Variants in HERC2 observed in about 807,000 individuals in gnomAD.
HERC2 encodes E3 ubiquitin-protein ligase HERC2.
In HERC2, 102 loss-of-function variants were observed where a neutral mutation model predicts 537.7. That is an observed-to-expected ratio of 0.19 (90% confidence interval 0.16 to 0.22). The LOEUF (loss-of-function observed/expected upper bound fraction) is 0.22. Ranked by LOEUF, HERC2 falls within the 10% of genes least tolerant of loss-of-function variation. HERC2 has a pLI of 1.00. For synonymous variants in HERC2, 2,224 were observed against 2,466.2 expected (o/e 0.90, Z 2.91); for missense variants, 4,236 against 6,198.2 (o/e 0.68, Z 10.63).
At chr15:28,152,166 G>T (rs1892523183) in intron 70 of HERC2, among the ~76,000 whole-genome samples, 1 of 152,210 alleles carries the variant, frequency 6.6e-6, no homozygotes, top group Admixed American at 6.5e-5. Flanking sequence ...CGGGCCTGAG[G>T]AACACACTGA....
At chr15:28,114,241 C>A (rs1394064079) in intron 90 of HERC2, among the ~76,000 whole-genome samples, 2 of 152,182 alleles carry the variant, frequency 1.3e-5, no homozygotes, top group South Asian at 2.1e-4. Flanking sequence ...CACACCTGGG[C>A]GCCTGGCAAA....
At position 28,178,944 on chromosome 15, in the gene HERC2, G is replaced by A. The variant is rs1295742309; in HGVS notation, c.9106C>T (p.Pro3036Ser). ...CTGCTGAGAGCTGTGATCTGCCGTG[G>A]GATGGGCACCGTCCCGCTGGAAATG... is the stretch of plus-strand genomic sequence containing the variant. Reference protein sequence around the residue: ...LGISSGTVPIPRQITALSSYV... With the variant: ...LGISSGTVPISRQITALSSYV... The change falls in exon 59 of 93, where the codon CCA (proline) becomes TCA (serine). Residue 3036 changes from proline (P) to serine (S), a missense_variant. This residue lies in a region of HERC2 where 606 missense variants were observed against 884.5 expected (regional missense o/e 0.69). Coordinates refer to ENST00000261609, the MANE Select transcript of HERC2 (RefSeq NM_004667.6). 6.2e-7 allele frequency: 1 copy of A among 1,614,036 alleles called. No individual in the cohort carries two copies. Among genetic ancestry groups the A allele is most frequent in the African/African-American group, 1.3e-5 (1 of 74,924 alleles).
At position 28,246,784 on chromosome 15, in the gene HERC2, G is replaced by A. The variant is rs555514888; in HGVS notation, c.3349C>T (p.His1117Tyr). ...ACAATGTAAGCCACCTCCGCGAAGT[G>A]CCGCCAGCTGGTAGAAGCAATGCTG... Reference protein sequence around the residue: ...AASIASTSWRHFAEVAYIVEG... With the variant: ...AASIASTSWRYFAEVAYIVEG... The change falls in exon 22 of 93, where the codon CAC (histidine) becomes TAC (tyrosine). Residue 1117 changes from histidine (H) to tyrosine (Y), a missense_variant. Physicochemically the swap from His to Tyr is moderately conservative, Grantham distance 83. Around this residue, in one of 27 missense-constraint regions of HERC2, gnomAD observed 754 missense variants for 1,085.0 expected, o/e 0.69. Transcript: ENST00000261609. The A allele has an allele frequency of 3.5e-5, 57 of 1,607,690 alleles. No homozygotes were observed. The South Asian group carries it at 5.9e-4, about 17-fold the overall frequency.
chr15:28,158,873 A>G (rs973359498), intron 69 of HERC2, among the ~76,000 whole-genome samples: 1 of 152,192 alleles, frequency 6.6e-6, no homozygotes, highest in Non-Finnish European at 1.5e-5. Flanking sequence ...AGTGGTTGGT[A>G]CCGGTTGTTC....
chr15:28,285,222 A>C (rs2076125412), intron 4 of HERC2, among the ~76,000 whole-genome samples: 1 of 152,218 alleles, frequency 6.6e-6, no homozygotes, highest in Non-Finnish European at 1.5e-5. Context: ...AGAACACTCC[A>C]GCCAATAACA....
rs146406865 is a variant in HERC2, at chr15:28,283,388, G to A, written c.323-3101C>T. On this transcript the variant is annotated intron_variant, in intron 4 of 92. Transcript: ENST00000261609. ...TTCTCATCAGAAACCATGGAGCCCAGCTGAAAGTACAAAATATTTTTTAAA... is the reference window on the plus strand; with the variant it reads ...TTCTCATCAGAAACCATGGAGCCCAACTGAAAGTACAAAATATTTTTTAAA... Among the ~76,000 whole-genome samples the A allele has an allele frequency of 5.3e-3, 806 of 152,306 alleles. 1 individual carries two copies. The highest frequency in any genetic ancestry group is 0.018 in the African/African-American group (763 of 41,550).
At chr15:28,300,609 G>A (rs1489558075) in intron 2 of HERC2, among the ~76,000 whole-genome samples, 94 of 149,854 alleles carry the variant, frequency 6.3e-4, no homozygotes, top group African/African-American at 1.7e-3. Flanking sequence ...ATCACTTGAG[G>A]TCAGGAGTTC....
Position 28,192,114 on chromosome 15 carries a change from C to T in HERC2, c.8298G>A (p.Gln2766=), listed in dbSNP as rs1436633324. The T allele has an allele frequency of 1.9e-6, 3 of 1,613,982 alleles. No individual in the cohort carries two copies. The highest frequency in any genetic ancestry group is 1.1e-5 in the South Asian group (1 of 91,080). ...SAVFCGRSGK[Q]LKRCHSSQPG... ...GCTGGCTGCTGTGGCAACGCTTCAGCTGTTTTCCAGAACGGCCACAAAATA... is the reference window on the plus strand; with the variant it reads ...GCTGGCTGCTGTGGCAACGCTTCAGTTGTTTTCCAGAACGGCCACAAAATA... The change falls in exon 53 of 93, where the codon CAG becomes CAA. Residue 2766 remains glutamine, a synonymous_variant. Coordinates refer to ENST00000261609, the MANE Select transcript of HERC2 (RefSeq NM_004667.6).
chr15:28,245,253 T>A (rs901872238), intron 23 of HERC2, among the ~76,000 whole-genome samples: 1 of 152,050 alleles, frequency 6.6e-6, no homozygotes, highest in Non-Finnish European at 1.5e-5. Context: ...TCCTTAAATA[T>A]AACCGAAATA....
At chr15:28,128,183 G>A (rs762071249) in intron 83 of HERC2, among the ~76,000 whole-genome samples, 1 of 152,204 alleles carries the variant, frequency 6.6e-6, no homozygotes, top group African/African-American at 2.4e-5. Flanking sequence ...GAAGTGAAAC[G>A]ATGATGCCAG....
In HERC2 at chr15:28,265,772, G is replaced by A; in HGVS notation, c.1757-41C>T. On this transcript the variant is annotated intron_variant, in intron 13 of 92. Coordinates refer to ENST00000261609, the MANE Select transcript of HERC2 (RefSeq NM_004667.6). The surrounding 1 kb of genome is among the most constrained non-coding windows in gnomAD (Gnocchi z 4.0). ...ACGGCGGTTACTAAGTCCTGTAAGA[G>A]GCCACCTCCTGCTGCATGCTCCCAC... 1.9e-6 allele frequency: 3 copies of A among 1,614,074 alleles called. No homozygotes were observed. Among genetic ancestry groups the A allele is most frequent in the South Asian group, 2.2e-5 (2 of 91,082 alleles).
Position 28,132,241 on chromosome 15 carries a change from G to T in HERC2, c.12429C>A (p.His4143Gln). The change falls in exon 81 of 93, where the codon CAC becomes CAA. Residue 4143 changes from histidine to glutamine, a missense_variant. This residue lies in a region of HERC2 where 94 missense variants were observed against 137.4 expected (regional missense o/e 0.68). Transcript: ENST00000261609. ...KPKLVEALQG[H>Q]RVVDIACGSG... ...TGCCACAGGCGATGTCAACCACACGGTGGCCCTGCAGCGCCTCCACCTTCA... is the reference window on the plus strand; with the variant it reads ...TGCCACAGGCGATGTCAACCACACGTTGGCCCTGCAGCGCCTCCACCTTCA... 1 of 1,612,372 alleles carries T rather than the reference G, an allele frequency of 6.2e-7. No individual in the cohort carries two copies. Among genetic ancestry groups the T allele is most frequent in the Non-Finnish European group, 8.5e-7 (1 of 1,178,858 alleles).
In HERC2 at chr15:28,257,224, C is replaced by T; in HGVS notation, c.2354G>A (p.Gly785Asp). ...GTCCACCACAAAAGGGACACGGAGG[C>T]CAATGGACCACTCAGAACATGATGA... ...AWSSCSEWSI[G>D]LRVPFVVDIC... is the part of the protein sequence containing the mutation. The change falls in exon 17 of 93, where the codon GGC becomes GAC. Residue 785 changes from glycine (G) to aspartate (D), a missense_variant. Gly to Asp is a moderately conservative substitution (Grantham distance 94). Around this residue, in one of 27 missense-constraint regions of HERC2, gnomAD observed 754 missense variants for 1,085.0 expected, o/e 0.69. Transcript: ENST00000261609. 6.2e-7 allele frequency: 1 copy of T among 1,613,910 alleles called. No individual in the cohort carries two copies. The highest frequency in any genetic ancestry group is 2.2e-5 in the East Asian group (1 of 44,876).
chr15:28,270,652 C>T, intron 10 of HERC2, 43 bp downstream of exon 10: 2 of 1,586,572 alleles, frequency 1.3e-6, no homozygotes, highest in Non-Finnish European at 1.7e-6. Context: ...ACAAGTGGTA[C>T]TAGCTACAAA....
chr15:28,117,226 A>G (rs1417487088), intron 86 of HERC2, 72 bp from the exon 87 acceptor site: 8 of 1,465,402 alleles, frequency 5.5e-6, no homozygotes, highest in African/African-American at 1.4e-5. Flanking sequence ...GATATGCGGC[A>G]CTGGCGAATG....
intron 1 of HERC2, 26 bp downstream of exon 1, chr15:28,322,049 G>A (rs1329689366): frequency 1.1e-5 from 1 of 90,544 alleles, no homozygotes; most frequent in Non-Finnish European, 2.0e-5. Context: ...CCCGCCACCG[G>A]CCGCCCAGGT....
At chr15:28,318,902 T>A (rs1220777525) in intron 2 of HERC2, among the ~76,000 whole-genome samples, 1 of 150,946 alleles carries the variant, frequency 6.6e-6, no homozygotes, top group African/African-American at 2.4e-5. Flanking sequence ...GGTTAAATCC[T>A]ATGGCTAAGA....
chr15:28,233,345 C>A lies in HERC2; in HGVS notation c.4480-4G>T, dbSNP rs1392552846. 5.1e-6 allele frequency: 7 copies of A among 1,385,410 alleles called. No individual in the cohort carries two copies. Among genetic ancestry groups the A allele is most frequent in the Non-Finnish European group, 7.1e-6 (7 of 981,908 alleles). The allele number at this position is 1,385,410 out of a possible 1,614,324, so 85.8% of individuals were successfully genotyped here. On this transcript the variant is annotated splice_region_variant and splice_polypyrimidine_tract_variant and intron_variant, in intron 29 of 92. Transcript: ENST00000261609. ...AACGGCCCTGTTCTTGATGAGTCTG[C>A]AAAGTTAACCAGGAAAAGACAACTT... is the stretch of plus-strand genomic sequence containing the variant.
Position 28,124,998 on chromosome 15 carries a change from G to A in HERC2, c.12990+8C>T, listed in dbSNP as rs112585884. 2.3e-5 allele frequency: 37 copies of A among 1,587,722 alleles called. No homozygotes were observed. The highest frequency in any genetic ancestry group is 3.5e-4 in the Middle Eastern group (2 of 5,774). On this transcript the variant is annotated splice_region_variant and intron_variant, in intron 84 of 92. Coordinates refer to ENST00000261609, the MANE Select transcript of HERC2 (RefSeq NM_004667.6). Reference sequence around the variant, plus strand: ...TGCCCCCGACCCACCCAACCTGCCCGGACTCACCTGTGCAGGGAGTTTGCC... The same window carrying A: ...TGCCCCCGACCCACCCAACCTGCCCAGACTCACCTGTGCAGGGAGTTTGCC...
Sources: allele counts gnomAD v4.1 joint callset (sites outside exome capture counted in the v4.1 genomes callset), GRCh38; gene constraint gnomAD v4.1.1; regional missense constraint gnomAD v4.1.1; non-coding constraint Gnocchi (gnomAD v3.1); transcripts MANE v1.5; gene names NCBI Gene and HGNC (gene_info 2026-07-23, HGNC 2026-07-21).